WNT2: variants seen among roughly 807,000 people sequenced by gnomAD.
The protein encoded by WNT2 is Wnt family member 2, also known as protein Wnt-2.
Under a neutral mutation model 36.9 loss-of-function variants are expected in WNT2, and 12 were observed. The ratio of observed to expected loss-of-function variants is 0.33; its 90% CI spans 0.21 to 0.53. The LOEUF is 0.53. WNT2 is among the 20% of genes least tolerant of loss of function. The pLI, the probability that WNT2 is intolerant of heterozygous loss-of-function variation, is 0.95. For synonymous variants in WNT2, 163 were observed against 174.6 expected, an observed-to-expected ratio of 0.93 and a Z score of 0.52; for missense variants, 379 against 473.1, an observed-to-expected ratio of 0.80 and a Z score of 1.84.
At chr7:117,292,535 C>T (rs1380815976) in intron 4 of WNT2, among the ~76,000 whole-genome samples, 2 of 152,158 alleles carry the variant, frequency 1.3e-5, no homozygotes, top group African/African-American at 2.4e-5. Flanking sequence ...AATGTTCTCG[C>T]ATCCTTCTCC....
In WNT2 at chr7:117,297,825, A is replaced by G. The variant is rs1166289916; in HGVS notation, c.640T>C (p.Ser214Pro). Residue 214 changes from serine to proline, a missense_variant, in exon 4 of 5, where the codon TCA becomes CCA. By Grantham distance (74) the Ser-to-Pro change is moderately conservative (BLOSUM62 -1). Coordinates refer to ENST00000265441, the MANE Select transcript of WNT2 (RefSeq NM_003391.3). ...AGCCAGCATGTCCTGAGAGTACATGAGCCGCTCACCCCGTGGCACTTGCAC... is the reference window on the plus strand; with the variant it reads ...AGCCAGCATGTCCTGAGAGTACATGGGCCGCTCACCCCGTGGCACTTGCAC... ...QECKCHGVSGSCTLRTCWLAM... is the reference protein window; with the variant it reads ...QECKCHGVSGPCTLRTCWLAM... 6.2e-7 allele frequency: 1 copy of G among 1,614,130 alleles called. No individual in the cohort carries two copies. Among genetic ancestry groups the G allele is most frequent in the Admixed American group, 1.7e-5 (1 of 60,014 alleles).
chr7:117,278,188 G>A lies in WNT2; in HGVS notation c.1050C>T (p.Ala350=), dbSNP rs1411474369. 6.2e-7 allele frequency: 1 copy of A among 1,614,208 alleles called. No homozygotes were observed. ...CGGTTGTCCAGTCAGCGTTCTTGGG[G>A]GCCTTGCATGTGTGCACATCCAGAG... ...LEALDVHTCK[A]PKNADWTTAT The change falls in exon 5 of 5, where the codon GCC becomes GCT. Residue 350 remains alanine (A), a synonymous_variant. Transcript: ENST00000265441.
intron 4 of WNT2, among the ~76,000 whole-genome samples, chr7:117,282,334 G>A (rs1315192713): frequency 6.6e-6 from 1 of 151,944 alleles, no homozygotes; most frequent in Admixed American, 6.6e-5. Flanking sequence ...CAAGAAGAAG[G>A]TGGTAGAGGA....
At position 117,309,429 on chromosome 7, in the gene WNT2, C is replaced by A. The variant is rs79775355; in HGVS notation, c.588+5642G>T. 4.8e-3 allele frequency among the ~76,000 whole-genome samples: 724 copies of A among 152,064 alleles called. 5 individuals carry two copies. The highest frequency in any genetic ancestry group is 0.016 in the African/African-American group (679 of 41,464). The stretch of plus-strand genomic sequence containing the variant: ...GTGAGTGGAACTAGAAATTTTGGAC[C>A]CCCTCACCCTCTGAGCTTCTCCATA... On this transcript the variant is annotated intron_variant, in intron 3 of 4. Transcript: ENST00000265441.
chr7:117,300,146 G>A (rs1239481667), intron 3 of WNT2, among the ~76,000 whole-genome samples: 1 of 151,818 alleles, frequency 6.6e-6, no homozygotes, highest in Non-Finnish European at 1.5e-5. Context: ...AAATCTCTTA[G>A]GAGTCTTGTA....
At position 117,315,302 on chromosome 7, in the gene WNT2, A is replaced by T. The variant is rs1446265850; in HGVS notation, c.357T>A (p.Val119=). 3 of 1,614,060 alleles carry T rather than the reference A, an allele frequency of 1.9e-6. No individual in the cohort carries two copies. The highest frequency in any genetic ancestry group is 2.5e-6 in the Non-Finnish European group (3 of 1,180,016). ...AFVYAISSAG[V]VFAITRACSQ... is the part of the protein sequence containing the mutation. ...TACAGGCCCTGGTGATGGCAAATACAACTCCAGCTGAGGAGATGGCATAAA... is the reference window on the plus strand; with the variant it reads ...TACAGGCCCTGGTGATGGCAAATACTACTCCAGCTGAGGAGATGGCATAAA... The change falls in exon 3 of 5, where the codon GTT becomes GTA. Residue 119 remains valine, a synonymous_variant. Transcript: ENST00000265441.
chr7:117,308,974 A>G (rs1409184136), intron 3 of WNT2, among the ~76,000 whole-genome samples: 1 of 151,790 alleles, frequency 6.6e-6, no homozygotes, highest in African/African-American at 2.4e-5. Context: ...ACTTGGGCCC[A>G]GGAGTTTCAG....
intron 3 of WNT2, among the ~76,000 whole-genome samples, chr7:117,298,800 A>G (rs1794845310): frequency 6.6e-6 from 1 of 152,188 alleles, no homozygotes; most frequent in African/African-American, 2.4e-5. Context: ...AGAGATTATT[A>G]GCACTCCTGG....
At chr7:117,289,845 G>T (rs1794654937) in intron 4 of WNT2, among the ~76,000 whole-genome samples, 1 of 152,158 alleles carries the variant, frequency 6.6e-6, no homozygotes, top group Non-Finnish European at 1.5e-5. Flanking sequence ...GGACCTAGGG[G>T]TTGGTAGTAA....
chr7:117,320,894 T>C, intron 1 of WNT2, 101 bp from the exon 2 acceptor site: 1 of 1,000,706 alleles, frequency 1.0e-6, no homozygotes, highest in East Asian at 2.6e-5. Flanking sequence ...TTTTCAAATA[T>C]GAATTCCTTA....
intron 2 of WNT2, among the ~76,000 whole-genome samples, chr7:117,315,935 C>T (rs576149459): frequency 6.6e-6 from 1 of 152,346 alleles, no homozygotes; most frequent in African/African-American, 2.4e-5. Flanking sequence ...TGCATTAACA[C>T]TGGAGAGCTT....
At chr7:117,314,788 A>T (rs1659589253) in intron 3 of WNT2, among the ~76,000 whole-genome samples, 1 of 152,224 alleles carries the variant, frequency 6.6e-6, no homozygotes, top group Non-Finnish European at 1.5e-5. Flanking sequence ...TTCTGCTTAA[A>T]TGACAGTGTC....
intron 4 of WNT2, among the ~76,000 whole-genome samples, chr7:117,280,554 T>C (rs17139584): frequency 0.097 from 14,811 of 152,196 alleles, 1,324 homozygotes; most frequent in African/African-American, 0.24. Flanking sequence ...TAACCCACAG[T>C]ACAGTCATGT....
At chr7:117,312,784 T>G (rs907939024) in intron 3 of WNT2, among the ~76,000 whole-genome samples, 1 of 152,200 alleles carries the variant, frequency 6.6e-6, no homozygotes, top group African/African-American at 2.4e-5. Flanking sequence ...CAGAGACACA[T>G]GAGGGTGCTC....
Position 117,299,494 on chromosome 7 carries a change from C to CT in WNT2, c.589-1619dup, listed in dbSNP as rs113776491. 4.9e-3 allele frequency among the ~76,000 whole-genome samples: 685 copies of CT among 138,812 alleles called. 4 individuals carry two copies. The highest frequency in any genetic ancestry group is 0.019 in the Middle Eastern group (5 of 268). The allele number at this position is 138,812 out of a possible 152,430, so 91.1% of individuals were successfully genotyped here. Reference sequence around the variant, plus strand: ...TGCTCCTCCTCTTCTTTCTTTCTTTCTTTTTTTTTTTTTTTTGAGACAGAA... The same window carrying CT: ...TGCTCCTCCTCTTCTTTCTTTCTTTCTTTTTTTTTTTTTTTTTGAGACAGAA... On this transcript the variant is annotated intron_variant, in intron 3 of 4. Coordinates refer to ENST00000265441, the MANE Select transcript of WNT2 (RefSeq NM_003391.3).
intron 4 of WNT2, among the ~76,000 whole-genome samples, chr7:117,283,214 T>C (rs1282179338): frequency 6.6e-6 from 1 of 152,174 alleles, no homozygotes; most frequent in Non-Finnish European, 1.5e-5. Context: ...TTTTGTGCAG[T>C]GGTGGTAACT....
rs376290083 is a variant in WNT2 at position 117,278,263 on chromosome 7, C to T, written c.975G>A (p.Gly325=). 5.3e-5 allele frequency: 86 copies of T among 1,614,106 alleles called. No individual in the cohort carries two copies. Among genetic ancestry groups the T allele is most frequent in the Non-Finnish European group, 6.6e-5 (78 of 1,180,046 alleles). ...TSHVTRMTKC[G]CKFHWCCAVR... ...CGGCGCAGCACCAGTGGAACTTACACCCACACTTGGTCATCCGGGTGACAT... is the reference window on the plus strand; with the variant it reads ...CGGCGCAGCACCAGTGGAACTTACATCCACACTTGGTCATCCGGGTGACAT... Residue 325 remains glycine, a synonymous_variant, in exon 5 of 5, where the codon GGG becomes GGA. Coordinates refer to ENST00000265441, the MANE Select transcript of WNT2 (RefSeq NM_003391.3).
At chr7:117,307,426 G>A (rs936425224) in intron 3 of WNT2, among the ~76,000 whole-genome samples, 1 of 152,178 alleles carries the variant, frequency 6.6e-6, no homozygotes, top group African/African-American at 2.4e-5. Flanking sequence ...ACCCAGGGAG[G>A]CAGGATATAA....
intron 2 of WNT2, among the ~76,000 whole-genome samples, chr7:117,319,201 A>C (rs914376701): frequency 1.3e-5 from 2 of 152,230 alleles, no homozygotes; most frequent in Non-Finnish European, 2.9e-5. Context: ...TTCACTGGCA[A>C]GATAATCTAG....
Sources: gnomAD v4.1 joint callset for allele counts (sites outside exome capture counted in the v4.1 genomes callset) on GRCh38, gnomAD v4.1.1 for gene constraint, MANE v1.5 for transcripts, NCBI Gene and HGNC (gene_info 2026-07-23, HGNC 2026-07-21) for gene names.